Variants in ZNF30 observed in about 807,000 individuals in gnomAD.
ZNF30 encodes the protein zinc finger protein 30.
In ZNF30, 15 loss-of-function variants were observed where a neutral mutation model predicts 13.2. The ratio of observed to expected loss-of-function variants is 1.13; its 90% CI spans 0.76 to 1.75. The LOEUF (loss-of-function observed/expected upper bound fraction) is 1.75. Ranked by LOEUF, ZNF30 falls within the 40% of genes most tolerant of loss-of-function variation. The probability of loss-of-function intolerance (pLI) is 0.00; values close to 1 mark genes in which losing one functional copy is unlikely to be tolerated. For missense variants in ZNF30, 726 were observed against 757.0 expected, an observed-to-expected ratio of 0.96 and a Z score of 0.48; for synonymous variants, 223 against 256.6, an observed-to-expected ratio of 0.87 and a Z score of 1.25.
Position 34,941,042 on chromosome 19 carries a change from G to A in ZNF30, c.257-2181G>A, listed in dbSNP as rs187509724. On this transcript the variant is annotated intron_variant, in intron 4 of 4. Coordinates refer to ENST00000601142, the MANE Select transcript of ZNF30 (RefSeq NM_194325.3). ...CTCATAAGAATAATATTTCTTGCTT[G>A]AAAGGCACGGTACTTTTTCTAAACA... Among the ~76,000 whole-genome samples the A allele has an allele frequency of 1.5e-3, 234 of 152,324 alleles. 1 individual carries two copies. The highest frequency in any genetic ancestry group is 5.3e-3 in the African/African-American group (221 of 41,576).
intron 4 of ZNF30, among the ~76,000 whole-genome samples, chr19:34,940,405 C>T (rs1247550125): frequency 6.6e-6 from 1 of 152,132 alleles, no homozygotes; most frequent in Non-Finnish European, 1.5e-5. Flanking sequence ...CGGTGGCACA[C>T]ACCTGTAATC....
upstream of ZNF30, among the ~76,000 whole-genome samples, chr19:34,925,580 A>G (rs950545775): frequency 1.3e-5 from 2 of 152,040 alleles, no homozygotes; most frequent in South Asian, 4.2e-4. Context: ...GAGTATTTAT[A>G]GGGACAGGAT....
At position 34,943,771 on chromosome 19, in the gene ZNF30, T is replaced by C; in HGVS notation, c.805T>C (p.Phe269Leu). ...PFGCEECGKA[F>L]STFSYLVQHQ... is the part of the protein sequence containing the mutation. Reference sequence around the variant, plus strand: ...TGGGTGTGAGGAGTGTGGGAAGGCCTTCAGTACCTTTTCATACCTGGTTCA... The same window carrying C: ...TGGGTGTGAGGAGTGTGGGAAGGCCCTCAGTACCTTTTCATACCTGGTTCA... Residue 269 changes from phenylalanine (F) to leucine (L), a missense_variant, in exon 5 of 5, where the codon TTC (phenylalanine) becomes CTC (leucine). Phe to Leu is a conservative substitution (Grantham distance 22). Coordinates refer to ENST00000601142, the MANE Select transcript of ZNF30 (RefSeq NM_194325.3). 2 of 1,613,924 alleles carry C rather than the reference T, an allele frequency of 1.2e-6. No homozygotes were observed. Among genetic ancestry groups the C allele is most frequent in the Non-Finnish European group, 1.7e-6 (2 of 1,179,900 alleles).
At chr19:34,925,613 C>T (rs950553775), upstream of ZNF30, among the ~76,000 whole-genome samples, 10 of 152,004 alleles carry the variant, frequency 6.6e-5, no homozygotes, top group African/African-American at 2.2e-4. Flanking sequence ...AGGATGGGGG[C>T]GTGGCAGGCC....
In ZNF30 at chr19:34,943,643, A is replaced by T; in HGVS notation, c.677A>T (p.His226Leu). 1.2e-6 allele frequency: 2 copies of T among 1,613,790 alleles called. No individual in the cohort carries two copies. Residue 226 changes from histidine (H) to leucine (L), a missense_variant, in exon 5 of 5, where the codon CAT becomes CTT. Coordinates refer to ENST00000601142, the MANE Select transcript of ZNF30 (RefSeq NM_194325.3). Reference sequence around the variant, plus strand: ...CAACTTACAGTACATAAGAGTATTCATACTGGGAAGAAACCATATGAGTGC... The same window carrying T: ...CAACTTACAGTACATAAGAGTATTCTTACTGGGAAGAAACCATATGAGTGC... Reference protein sequence around the residue: ...SYQLTVHKSIHTGKKPYECGE... With the variant: ...SYQLTVHKSILTGKKPYECGE...
chr19:34,925,306 G>A (rs1017310010), upstream of ZNF30, among the ~76,000 whole-genome samples: 5 of 152,272 alleles, frequency 3.3e-5, no homozygotes, highest in African/African-American at 1.2e-4. Context: ...TGTACCAGAA[G>A]AATCAGATCA....
In ZNF30 at chr19:34,944,789, G is replaced by C. The variant is rs377637638; in HGVS notation, c.1823G>C (p.Ser608Thr). The C allele has an allele frequency of 1.0e-4, 163 of 1,611,870 alleles. No individual in the cohort carries two copies. In the Middle Eastern group the frequency reaches 3.3e-3, roughly 33 times the overall value. ...AAATGTGGGAAGACCTTTAGATACA[G>C]TTCAGCCCTTAAAGTGCATCTGAGA... ...CKKCGKTFRY[S>T]SALKVHLRKH... Residue 608 changes from serine to threonine, a missense_variant, in exon 5 of 5, where the codon AGT becomes ACT. Ser to Thr is a moderately conservative substitution (Grantham distance 58). Coordinates refer to ENST00000601142, the MANE Select transcript of ZNF30 (RefSeq NM_194325.3).
intron 1 of ZNF30, among the ~76,000 whole-genome samples, chr19:34,928,281 AT>A (rs1426770575): frequency 6.9e-6 from 1 of 144,770 alleles, no homozygotes; most frequent in Non-Finnish European, 1.5e-5. Context: ...AGATACATAA[AT>A]TAAATTAAGT....
intron 4 of ZNF30, among the ~76,000 whole-genome samples, chr19:34,942,222 G>A (rs1479808265): frequency 6.6e-6 from 1 of 152,012 alleles, no homozygotes; most frequent in Non-Finnish European, 1.5e-5. Flanking sequence ...GTGGGAGGAC[G>A]ACTTGAGCCT....
intron 4 of ZNF30, among the ~76,000 whole-genome samples, chr19:34,938,504 C>G (rs1404316258): frequency 6.6e-6 from 1 of 151,978 alleles, no homozygotes; most frequent in African/African-American, 2.4e-5. Flanking sequence ...TAATCTTCAC[C>G]TAGATTCACT....
intron 4 of ZNF30, among the ~76,000 whole-genome samples, chr19:34,935,940 G>A (rs1034886789): frequency 1.1e-4 from 16 of 152,032 alleles, no homozygotes; most frequent in East Asian, 3.9e-4. Flanking sequence ...TAAAAGGCAC[G>A]TCTTACATGG....
rs1288651661 is a variant in ZNF30 at position 34,943,591 on chromosome 19, T to C, written c.625T>C (p.Cys209Arg). ...TGEKPLKCKQ[C>R]GKTISGSYQL... ...TGAGAAGCCACTCAAATGTAAGCAA[T>C]GTGGAAAGACTATTAGTGGTAGCTA... Residue 209 changes from cysteine (C) to arginine (R), a missense_variant, in exon 5 of 5, where the codon TGT (cysteine) becomes CGT (arginine). Transcript: ENST00000601142. 3.1e-6 allele frequency: 5 copies of C among 1,613,564 alleles called. No homozygotes were observed. The highest frequency in any genetic ancestry group is 2.7e-5 in the African/African-American group (2 of 74,886).
At chr19:34,926,379 T>C (rs746464726), upstream of ZNF30, among the ~76,000 whole-genome samples, 6 of 152,176 alleles carry the variant, frequency 3.9e-5, no homozygotes, top group African/African-American at 1.2e-4. Context: ...GAAAGATAAA[T>C]GCCTATTACA....
intron 4 of ZNF30, 27 bp downstream of exon 4, chr19:34,933,750 G>A (rs756574535): frequency 6.7e-7 from 1 of 1,489,294 alleles, no homozygotes; most frequent in Non-Finnish European, 9.2e-7. Context: ...CAGGTAGGGA[G>A]GCCATTGTTG....
Position 34,943,934 on chromosome 19 carries a change from A to G in ZNF30, c.968A>G (p.Lys323Arg), listed in dbSNP as rs371811383. ...CCCTATGAATGTAAGGAGTGTGGGA[A>G]GTCCTTCACTGTGTATGGACAGCTT... ...EKPYECKECGKSFTVYGQLTR... is the reference protein window; with the variant it reads ...EKPYECKECGRSFTVYGQLTR... The change falls in exon 5 of 5, where the codon AAG becomes AGG. Residue 323 changes from lysine (K) to arginine (R), a missense_variant. Coordinates refer to ENST00000601142, the MANE Select transcript of ZNF30 (RefSeq NM_194325.3). The G allele has an allele frequency of 3.7e-5, 60 of 1,614,034 alleles. No homozygotes were observed. Among genetic ancestry groups the G allele is most frequent in the Non-Finnish European group, 4.2e-5 (50 of 1,180,020 alleles).
intron 1 of ZNF30, among the ~76,000 whole-genome samples, chr19:34,928,220 A>AAATATATATATATATATAT (rs1555778254): frequency 1.5e-4 from 11 of 73,394 alleles, no homozygotes; most frequent in Non-Finnish European, 1.8e-4. Flanking sequence ...AAAAAAAAAA[A>AAATATATATATATATATAT]ATATATATAT....
At chr19:34,929,152 G>T (rs961237820) in intron 1 of ZNF30, among the ~76,000 whole-genome samples, 2 of 152,134 alleles carry the variant, frequency 1.3e-5, no homozygotes, top group East Asian at 1.9e-4. Flanking sequence ...GTGACTATGC[G>T]CCTGTAGTCC....
chr19:34,943,218 T>C lies in ZNF30; in HGVS notation c.257-5T>C. On this transcript the variant is annotated splice_region_variant and splice_polypyrimidine_tract_variant and intron_variant, in intron 4 of 4. Transcript: ENST00000601142. ...AAATAAGATATTTTTAAAATTTTCTTTCAGATTTGCAGTTGGAAGATGATA... is the reference window on the plus strand; with the variant it reads ...AAATAAGATATTTTTAAAATTTTCTCTCAGATTTGCAGTTGGAAGATGATA... The C allele has an allele frequency of 6.8e-7, 1 of 1,464,704 alleles. No individual in the cohort carries two copies. Among genetic ancestry groups the C allele is most frequent in the South Asian group, 1.5e-5 (1 of 65,366 alleles). 90.7% of individuals were successfully genotyped at this position (1,464,704 alleles called of 1,614,324 possible). A position where few individuals can be genotyped will look rare whatever the true frequency, so the allele number is the denominator to read the frequency against.
Position 34,944,818 on chromosome 19 carries a change from CAT to C in ZNF30, c.1855_1856del (p.Met619GlufsTer8), listed in dbSNP as rs1491283055. ...SSALKVHLRK[H>X]MSVIP Reference sequence around the variant, plus strand: ...AGCCCTTAAAGTGCATCTGAGAAAACATATGAGTGTTATACCCTAAGAGTCTG... The same window carrying C: ...AGCCCTTAAAGTGCATCTGAGAAAACATGAGTGTTATACCCTAAGAGTCTG... On this transcript the variant is annotated frameshift_variant, in exon 5 of 5. Transcript: ENST00000601142. LOFTEE classifies it high-confidence loss of function. 9.4e-5 allele frequency: 151 copies of C among 1,603,450 alleles called. No homozygotes were observed. The highest frequency in any genetic ancestry group is 1.2e-4 in the Non-Finnish European group (140 of 1,172,794).
Sources: gnomAD v4.1 joint callset for allele counts (sites outside exome capture counted in the v4.1 genomes callset) on GRCh38, gnomAD v4.1.1 for gene constraint, MANE v1.5 for transcripts, NCBI Gene and HGNC (gene_info 2026-07-23, HGNC 2026-07-21) for gene names.